TRAFD1: variants seen among roughly 807,000 people sequenced by gnomAD.
TRAFD1 encodes the protein TRAF-type zinc finger domain-containing protein 1.
A neutral mutation model predicts 65.3 loss-of-function variants in TRAFD1; 38 were observed. That is an observed-to-expected ratio of 0.58 (90% CI 0.45 to 0.76). TRAFD1 has a LOEUF of 0.76. TRAFD1 is among the 30% of genes least tolerant of loss of function. The pLI is 0.00. For missense variants in TRAFD1, 631 were observed against 712.6 expected (o/e 0.89, Z 1.30); for synonymous variants, 223 against 257.2 (o/e 0.87, Z 1.27).
rs946470341 is a variant in TRAFD1 at position 112,151,687 on chromosome 12, C to G, written c.1280-114C>G. Reference sequence around the variant, plus strand: ...TGCTGGGTTTACAGGCATGAGCCACCACGCCTGGCTGAGCAGTTGTCTTCT... The same window carrying G: ...TGCTGGGTTTACAGGCATGAGCCACGACGCCTGGCTGAGCAGTTGTCTTCT... On this transcript the variant is annotated intron_variant, in intron 9 of 11. Transcript: ENST00000412615. 14 of 1,056,248 alleles carry G rather than the reference C, an allele frequency of 1.3e-5. No individual in the cohort carries two copies. The Admixed American group carries it at 3.0e-4, about 23-fold the overall frequency. The allele number at this position is 1,056,248 out of a possible 1,614,324, so 65.4% of individuals were successfully genotyped here. A position where few individuals can be genotyped will look rare whatever the true frequency, so the allele number is the denominator to read the frequency against.
chr12:112,149,922 G>C (rs139453904), intron 9 of TRAFD1, 51 bp downstream of exon 9: 1 of 1,606,890 alleles, frequency 6.2e-7, no homozygotes, highest in South Asian at 1.1e-5. Flanking sequence ...TGCTGGCTCC[G>C]GCCTGTTTAC....
rs1217114648 is a variant in TRAFD1, at chr12:112,152,629, GAGA to G, written c.1693-103_1693-101del. On this transcript the variant is annotated intron_variant, in intron 11 of 11. Coordinates refer to ENST00000412615, the MANE Select transcript of TRAFD1 (RefSeq NM_006700.3). This position sits in a 1 kb window ranked among gnomAD's most constrained non-coding sequence, Gnocchi z 5.0. ...TTCAAAGATTGTTCCTTTGGCTTTT[GAGA>G]AGGAGGTTTCTAAGGAAGCGGGACA... is the stretch of plus-strand genomic sequence containing the variant. The G allele has an allele frequency of 9.4e-6, 15 of 1,598,706 alleles. No individual in the cohort carries two copies. The East Asian group carries it at 3.4e-4, about 36-fold the overall frequency.
intron 4 of TRAFD1, among the ~76,000 whole-genome samples, chr12:112,138,203 G>T (rs1461436006): frequency 1.3e-5 from 2 of 152,020 alleles, no homozygotes; most frequent in Non-Finnish European, 2.9e-5. Context: ...TTGTGCCACT[G>T]CATTCCAGCC....
chr12:112,135,090 G>C, intron 4 of TRAFD1, 24 bp downstream of exon 4: 1 of 1,613,986 alleles, frequency 6.2e-7, no homozygotes, highest in South Asian at 1.1e-5. Flanking sequence ...GTGAGTTACC[G>C]TGGGCCCAGT....
Position 112,145,578 on chromosome 12 carries a change from A to G in TRAFD1, c.851-8A>G. On this transcript the variant is annotated splice_polypyrimidine_tract_variant and splice_region_variant and intron_variant, in intron 6 of 11. Coordinates refer to ENST00000412615, the MANE Select transcript of TRAFD1 (RefSeq NM_006700.3). ...ATCCTGAGTCTCATTGTGTGGCCTA[A>G]TACCTAGGTGCAGCTGACGAGATCA... 1 of 1,614,080 alleles carries G rather than the reference A, an allele frequency of 6.2e-7. No individual in the cohort carries two copies. Among genetic ancestry groups the G allele is most frequent in the Non-Finnish European group, 8.5e-7 (1 of 1,179,992 alleles).
Position 112,152,213 on chromosome 12 carries a change from T to TGCCA in TRAFD1, c.1619+75_1619+78dup, listed in dbSNP as rs1222485831. 36 of 1,507,770 alleles carry TGCCA rather than the reference T, an allele frequency of 2.4e-5. No homozygotes were observed. In the East Asian group the frequency reaches 7.2e-4, roughly 30 times the overall value. 93.4% of individuals were successfully genotyped at this position (1,507,770 alleles called of 1,614,324 possible). On this transcript the variant is annotated intron_variant, in intron 10 of 11. Coordinates refer to ENST00000412615, the MANE Select transcript of TRAFD1 (RefSeq NM_006700.3). This position sits in a 1 kb window ranked among gnomAD's most constrained non-coding sequence, Gnocchi z 5.0. ...ACATGGGCAAAGGCCTGGTTACCCT[T>TGCCA]GCCAGGCCTGGGGTAAGACTGAGGT...
intron 1 of TRAFD1, among the ~76,000 whole-genome samples, chr12:112,126,728 C>T (rs981639840): frequency 6.6e-6 from 1 of 151,904 alleles, no homozygotes; most frequent in Non-Finnish European, 1.5e-5. Flanking sequence ...GATCTCAGCT[C>T]ACTGCAGCCT....
chr12:112,136,383 G>A (rs750020002), intron 4 of TRAFD1, among the ~76,000 whole-genome samples: 8 of 151,104 alleles, frequency 5.3e-5, no homozygotes, highest in African/African-American at 1.5e-4. Flanking sequence ...AGGTTCAAGC[G>A]ATTCTCCTTC....
rs1485575624 is a variant in TRAFD1 at position 112,152,052 on chromosome 12, G to A, written c.1531G>A (p.Val511Ile). 9 of 1,614,128 alleles carry A rather than the reference G, an allele frequency of 5.6e-6. No homozygotes were observed. In the Admixed American group the frequency reaches 1.0e-4, roughly 18 times the overall value. The change falls in exon 10 of 12, where the codon GTT becomes ATT. Residue 511 changes from valine (V) to isoleucine (I), a missense_variant. Val to Ile is a conservative substitution (Grantham distance 29). Transcript: ENST00000412615. The surrounding 1 kb of genome is among the most constrained non-coding windows in gnomAD (Gnocchi z 5.0). ...GAATGGGGCCATAGCCCCTGGGCACGTTTCAGTGATTCGCCCTCCTCAAAA... is the reference window on the plus strand; with the variant it reads ...GAATGGGGCCATAGCCCCTGGGCACATTTCAGTGATTCGCCCTCCTCAAAA... ...SQNGAIAPGH[V>I]SVIRPPQNLY...
intron 1 of TRAFD1, among the ~76,000 whole-genome samples, chr12:112,127,643 T>C (rs1374882657): frequency 1.3e-5 from 2 of 150,394 alleles, no homozygotes; most frequent in Non-Finnish European, 3.0e-5. Context: ...TGTGCCACCA[T>C]ACCCACCTAA....
chr12:112,138,412 T>C (rs1416112345), intron 4 of TRAFD1, among the ~76,000 whole-genome samples: 1 of 151,680 alleles, frequency 6.6e-6, no homozygotes, highest in African/African-American at 2.4e-5. Flanking sequence ...TAGCCAGGCA[T>C]GGTGCCGCAT....
Position 112,151,936 on chromosome 12 carries a change from C to T in TRAFD1, c.1415C>T (p.Pro472Leu), listed in dbSNP as rs758171472. 3 of 1,614,114 alleles carry T rather than the reference C, an allele frequency of 1.9e-6. No homozygotes were observed. The highest frequency in any genetic ancestry group is 2.2e-5 in the East Asian group (1 of 44,896). The change falls in exon 10 of 12, where the codon CCC becomes CTC. Residue 472 changes from proline (P) to leucine (L), a missense_variant. Physicochemically the swap from Pro to Leu is moderately conservative, Grantham distance 98. Coordinates refer to ENST00000412615, the MANE Select transcript of TRAFD1 (RefSeq NM_006700.3). ...CAGCTATCGAGATCAACATCAGGCC[C>T]CAGACCTGGGTGCCAGCCCAGCTCT... The part of the protein sequence containing the change: ...YNQLSRSTSG[P>L]RPGCQPSSPC...
At chr12:112,143,226 C>T (rs1399668174) in intron 6 of TRAFD1, among the ~76,000 whole-genome samples, 2 of 152,016 alleles carry the variant, frequency 1.3e-5, no homozygotes, top group Admixed American at 1.3e-4. Flanking sequence ...ACTACAGGCG[C>T]CCACCACTAC....
rs778439356 is a variant in TRAFD1 at position 112,151,960 on chromosome 12, C to G, written c.1439C>G (p.Ser480Cys). ...CCCAGACCTGGGTGCCAGCCCAGCT[C>G]TCCTTGTGTGCCGAAGCTCAGCAAC... Reference protein sequence around the residue: ...SGPRPGCQPSSPCVPKLSNSD... With the variant: ...SGPRPGCQPSCPCVPKLSNSD... Residue 480 changes from serine (S) to cysteine (C), a missense_variant, in exon 10 of 12, where the codon TCT (serine) becomes TGT (cysteine). Coordinates refer to ENST00000412615, the MANE Select transcript of TRAFD1 (RefSeq NM_006700.3). The G allele has an allele frequency of 1.9e-6, 3 of 1,614,258 alleles. No homozygotes were observed. The highest frequency in any genetic ancestry group is 2.5e-6 in the Non-Finnish European group (3 of 1,180,048).
At chr12:112,148,600 T>C (rs966070780) in intron 8 of TRAFD1, among the ~76,000 whole-genome samples, 25 of 152,306 alleles carry the variant, frequency 1.6e-4, no homozygotes, top group African/African-American at 6.0e-4. Flanking sequence ...TAGATGACAG[T>C]CTCCCTGCTT....
At chr12:112,134,381 G>T (rs997120188) in intron 2 of TRAFD1, among the ~76,000 whole-genome samples, 8 of 144,970 alleles carry the variant, frequency 5.5e-5, no homozygotes, top group Non-Finnish European at 1.0e-4. Flanking sequence ...TCAGCCTCCC[G>T]AGTAGCTGGG....
At chr12:112,139,801 C>T (rs1448322985) in intron 4 of TRAFD1, among the ~76,000 whole-genome samples, 1 of 152,094 alleles carries the variant, frequency 6.6e-6, no homozygotes, top group East Asian at 1.9e-4. Context: ...GAGTTTGAGA[C>T]CAACTTGGCT....
chr12:112,142,131 C>T lies in TRAFD1; in HGVS notation c.686C>T (p.Pro229Leu). ...ERQERNRGQQ[P>L]PKEGGEESAN... is the part of the protein sequence containing the mutation. ...CAGGAAAGGAATAGAGGCCAACAGC[C>T]CCCCAAAGAGGGTGGTGAAGAGAGT... The change falls in exon 6 of 12, where the codon CCC becomes CTC. Residue 229 changes from proline to leucine, a missense_variant. Coordinates refer to ENST00000412615, the MANE Select transcript of TRAFD1 (RefSeq NM_006700.3). 6.2e-7 allele frequency: 1 copy of T among 1,613,918 alleles called. No homozygotes were observed. Among genetic ancestry groups the T allele is most frequent in the Non-Finnish European group, 8.5e-7 (1 of 1,179,972 alleles).
chr12:112,134,350 G>C (rs1469224175), intron 2 of TRAFD1, among the ~76,000 whole-genome samples: 1 of 147,068 alleles, frequency 6.8e-6, no homozygotes, highest in Admixed American at 6.9e-5. Flanking sequence ...CTGCCTCCTG[G>C]GTTCAAGCGA....
Sources: gnomAD v4.1 joint callset for allele counts (sites outside exome capture counted in the v4.1 genomes callset) on GRCh38, gnomAD v4.1.1 for gene constraint, Gnocchi (gnomAD v3.1) non-coding constraint, MANE v1.5 for transcripts, NCBI Gene and HGNC (gene_info 2026-07-23, HGNC 2026-07-21) for gene names.